DPYS: variants seen among roughly 807,000 people sequenced by gnomAD.
DPYS encodes dihydropyrimidine amidohydrolase.
A neutral mutation model predicts 50.3 loss-of-function variants in DPYS; 39 were observed. The ratio of observed to expected loss-of-function variants is 0.78; its 90% CI spans 0.60 to 1.01. The LOEUF (loss-of-function observed/expected upper bound fraction) is 1.01, where lower values mean the gene tolerates loss of function less well. Among genes scored for constraint, DPYS ranks in the 50% least tolerant of loss-of-function variants. The pLI is 0.00. For synonymous variants in DPYS, 245 were observed against 250.7 expected (o/e 0.98, Z 0.22); for missense variants, 659 against 680.9 (o/e 0.97, Z 0.36).
intron 1 of DPYS, among the ~76,000 whole-genome samples, chr8:104,461,657 T>G (rs984722853): frequency 1.5e-4 from 23 of 152,102 alleles, no homozygotes; most frequent in Admixed American, 3.3e-4. Context: ...AGTTTGAAAC[T>G]TGAAGGAGAG....
intron 4 of DPYS, among the ~76,000 whole-genome samples, chr8:104,442,448 C>T (rs1340864171): frequency 6.6e-5 from 10 of 152,152 alleles, no homozygotes; most frequent in Admixed American, 2.6e-4. Flanking sequence ...ACCCGGTACA[C>T]GACTTAACAA....
At chr8:104,410,040 T>G (rs924170390) in intron 7 of DPYS, among the ~76,000 whole-genome samples, 13 of 152,218 alleles carry the variant, frequency 8.5e-5, no homozygotes, top group Non-Finnish European at 1.6e-4. Context: ...AGGGTAATAA[T>G]TTTTTCACTC....
At chr8:104,428,726 T>C (rs1812825967) in intron 5 of DPYS, among the ~76,000 whole-genome samples, 1 of 152,208 alleles carries the variant, frequency 6.6e-6, no homozygotes, top group South Asian at 2.1e-4. Flanking sequence ...AAAGAATGGG[T>C]AAGTGAACTC....
chr8:104,449,428 A>C (rs905907788), intron 2 of DPYS, among the ~76,000 whole-genome samples: 1 of 152,190 alleles, frequency 6.6e-6, no homozygotes, highest in Non-Finnish European at 1.5e-5. Context: ...CTCCTCCAAA[A>C]GTGTGGCAAC....
At chr8:104,419,148 C>T (rs1812470145) in intron 7 of DPYS, 1 of 799,874 alleles carries the variant, frequency 1.3e-6, no homozygotes, top group African/African-American at 1.9e-5. Flanking sequence ...TCATCTTTAT[C>T]CATTCATTCT....
chr8:104,433,038 T>C (rs1039720682), intron 4 of DPYS, among the ~76,000 whole-genome samples: 1 of 151,994 alleles, frequency 6.6e-6, no homozygotes, highest in Non-Finnish European at 1.5e-5. Flanking sequence ...AAGAGGAAAT[T>C]TGGACACATA....
chr8:104,442,661 AGATGTT>A (rs1183896435), intron 4 of DPYS, among the ~76,000 whole-genome samples: 1 of 152,254 alleles, frequency 6.6e-6, no homozygotes, highest in Non-Finnish European at 1.5e-5. Context: ...ACTTAAGGCA[AGATGTT>A]GATGGATTAC....
At chr8:104,465,810 C>A (rs892605771) in intron 1 of DPYS, among the ~76,000 whole-genome samples, 1 of 152,126 alleles carries the variant, frequency 6.6e-6, no homozygotes, top group Non-Finnish European at 1.5e-5. Flanking sequence ...TTCATTGACC[C>A]AAACTTCTAG....
chr8:104,434,409 C>A (rs542914780), intron 4 of DPYS, among the ~76,000 whole-genome samples: 1 of 152,226 alleles, frequency 6.6e-6, no homozygotes, highest in African/African-American at 2.4e-5. Flanking sequence ...CATGTCCAAC[C>A]CTCCCTTCCC....
At chr8:104,435,144 A>C (rs1813092916) in intron 4 of DPYS, among the ~76,000 whole-genome samples, 1 of 152,202 alleles carries the variant, frequency 6.6e-6, no homozygotes, top group African/African-American at 2.4e-5. Context: ...TGTGGCAGAA[A>C]AAGAACATGT....
At chr8:104,444,564 CTG>C (rs752536597) in intron 3 of DPYS, 127 bp from the exon 4 acceptor site, 1,133 of 889,518 alleles carry the variant, frequency 1.3e-3, no homozygotes, top group South Asian at 2.1e-3. Context: ...GTGTGTGTGT[CTG>C]TGTGTGTGTG....
chr8:104,418,350 A>G (rs915738415), intron 7 of DPYS, among the ~76,000 whole-genome samples: 4 of 152,246 alleles, frequency 2.6e-5, no homozygotes, highest in Admixed American at 1.3e-4. Context: ...GGTGTGAGAC[A>G]AAAATCCTGC....
At chr8:104,387,565 T>C (rs1001105230) in intron 8 of DPYS, among the ~76,000 whole-genome samples, 2 of 152,118 alleles carry the variant, frequency 1.3e-5, no homozygotes, top group Non-Finnish European at 2.9e-5. Context: ...GTGATACAAG[T>C]TAAAGGGATT....
At chr8:104,460,110 C>T (rs1200605367) in intron 1 of DPYS, among the ~76,000 whole-genome samples, 1 of 152,128 alleles carries the variant, frequency 6.6e-6, no homozygotes, top group African/African-American at 2.4e-5. Flanking sequence ...CCCCCAATTA[C>T]TAAACATAAG....
chr8:104,426,966 GA>G (rs199861950), intron 6 of DPYS, among the ~76,000 whole-genome samples: 1,733 of 152,206 alleles, frequency 0.011, 29 homozygotes, highest in African/African-American at 0.039. Flanking sequence ...TTCGGGAGGC[GA>G]AGGCGGGTGG....
At chr8:104,422,653 C>T (rs925052094) in intron 7 of DPYS, among the ~76,000 whole-genome samples, 2 of 152,192 alleles carry the variant, frequency 1.3e-5, no homozygotes, top group African/African-American at 2.4e-5. Context: ...GCTTCAAAAA[C>T]ACCATTTTTC....
chr8:104,416,835 A>G (rs553542114), intron 7 of DPYS, among the ~76,000 whole-genome samples: 2 of 152,252 alleles, frequency 1.3e-5, no homozygotes, highest in African/African-American at 4.8e-5. Flanking sequence ...TCTTTGCCAA[A>G]GGGTACCTGA....
intron 7 of DPYS, among the ~76,000 whole-genome samples, chr8:104,404,657 T>C (rs1255355765): frequency 6.6e-6 from 1 of 152,268 alleles, no homozygotes; most frequent in Non-Finnish European, 1.5e-5. Context: ...ACCTTGGATA[T>C]TCAATGACAG....
chr8:104,466,956 T>A lies in DPYS; in HGVS notation c.-36A>T. The A allele has an allele frequency of 2.1e-6, 2 of 950,960 alleles. No homozygotes were observed. Among genetic ancestry groups the A allele is most frequent in the East Asian group, 4.6e-5 (1 of 21,838 alleles). The allele number at this position is 950,960 out of a possible 1,614,324, so 58.9% of individuals were successfully genotyped here. On this transcript the variant is annotated 5_prime_UTR_variant, in exon 1 of 10. Transcript: ENST00000351513. ...GCGCGGGGTCCTACTCGGCCCGGGC[T>A]GCGCGCAGGGGCTGGGTTGGGCGGG...
Sources: gnomAD v4.1 joint callset for allele counts (sites outside exome capture counted in the v4.1 genomes callset) on GRCh38, gnomAD v4.1.1 for gene constraint, MANE v1.5 for transcripts, NCBI Gene and HGNC (gene_info 2026-07-23, HGNC 2026-07-21) for gene names.